PRKAG2: variants seen among roughly 807,000 people sequenced by gnomAD.
PRKAG2 encodes the protein 5'-AMP-activated protein kinase subunit gamma-2.
Under a neutral mutation model 69.6 loss-of-function variants are expected in PRKAG2, and 26 were observed. The observed-to-expected ratio is 0.37, with a 90% CI of 0.27 to 0.52. The LOEUF is 0.52. Among genes scored for constraint, PRKAG2 ranks in the 20% least tolerant of loss-of-function variants. PRKAG2 has a pLI of 0.90. For synonymous variants in PRKAG2, 293 were observed against 285.0 expected (o/e 1.03, Z -0.28); for missense variants, 557 against 740.0 (o/e 0.75, Z 2.87).
At chr7:151,645,008 T>C (rs933675206) in intron 4 of PRKAG2, among the ~76,000 whole-genome samples, 1 of 151,860 alleles carries the variant, frequency 6.6e-6, no homozygotes, top group African/African-American at 2.4e-5. Context: ...TGTCTATTTA[T>C]TTATTAGAGT....
chr7:151,590,650 G>A (rs1812850043), intron 6 of PRKAG2, among the ~76,000 whole-genome samples: 1 of 152,202 alleles, frequency 6.6e-6, no homozygotes, highest in Admixed American at 6.5e-5. Flanking sequence ...TCCCACCCTT[G>A]CCACCCCTTG....
intron 1 of PRKAG2, among the ~76,000 whole-genome samples, chr7:151,864,106 G>A (rs2080002017): frequency 6.6e-6 from 1 of 152,146 alleles, no homozygotes; most frequent in African/African-American, 2.4e-5. Flanking sequence ...CACAGCCCTT[G>A]TCTTGAAATA....
In PRKAG2 at chr7:151,811,379, G is replaced by A. The variant is rs576836297; in HGVS notation, c.115-24838C>T. On this transcript the variant is annotated intron_variant, in intron 1 of 15. Transcript: ENST00000287878. ...AATAATTTGCCCGTGGTAGCCAGGG[G>A]GTGAACAGCAGAATGCTCTGCCAGG... is the stretch of plus-strand genomic sequence containing the variant. Among the ~76,000 whole-genome samples, 6 of 152,332 alleles carry A rather than the reference G, an allele frequency of 3.9e-5. No homozygotes were observed. In the East Asian group the frequency reaches 1.2e-3, roughly 29 times the overall value.
At chr7:151,558,993 G>A (rs1269918177) in intron 15 of PRKAG2, 8 of 985,346 alleles carry the variant, frequency 8.1e-6, no homozygotes, top group Middle Eastern at 1.0e-3. Flanking sequence ...CCGCTGGGCA[G>A]ACTGTGTCCC....
chr7:151,721,681 T>G (rs1797142138), intron 3 of PRKAG2, among the ~76,000 whole-genome samples: 1 of 152,136 alleles, frequency 6.6e-6, no homozygotes, highest in African/African-American at 2.4e-5. Context: ...CTCTAAAATC[T>G]GAGTAGAGAT....
chr7:151,809,505 A>G (rs2078306028), intron 1 of PRKAG2: 1 of 274,572 alleles, frequency 3.6e-6, no homozygotes, highest in Non-Finnish European at 7.3e-6. Flanking sequence ...GCTTAAAAGC[A>G]TATCATTCCT....
chr7:151,631,502 A>G (rs1303198121), intron 5 of PRKAG2: 2 of 268,934 alleles, frequency 7.4e-6, no homozygotes, highest in Non-Finnish European at 7.8e-6. Flanking sequence ...CAGGAGAGGG[A>G]AAAAAAACAA....
At chr7:151,874,792 G>A (rs930923634) in intron 1 of PRKAG2, among the ~76,000 whole-genome samples, 3 of 152,206 alleles carry the variant, frequency 2.0e-5, no homozygotes, top group South Asian at 4.1e-4. Flanking sequence ...GGAGGCTGAG[G>A]TGGGAGGATC....
intron 2 of PRKAG2, among the ~76,000 whole-genome samples, chr7:151,782,254 G>T (rs1232982785): frequency 6.6e-6 from 1 of 151,060 alleles, no homozygotes; most frequent in Non-Finnish European, 1.5e-5. Context: ...TTGCACTCCA[G>T]CCTGGGCAAC....
intron 1 of PRKAG2, 55 bp from the exon 2 acceptor site, chr7:151,786,596 T>C: frequency 7.0e-7 from 1 of 1,433,696 alleles, no homozygotes; most frequent in Non-Finnish European, 9.7e-7. Flanking sequence ...GCCCAGGGGC[T>C]GCATGGAACT....
chr7:151,809,340 C>A, intron 1 of PRKAG2: 1 of 441,380 alleles, frequency 2.3e-6, no homozygotes. Context: ...GAGACTCTCG[C>A]AGTCCACGGC....
chr7:151,807,072 A>T lies in PRKAG2; in HGVS notation c.115-20531T>A. 2 of 427,960 alleles carry T rather than the reference A, an allele frequency of 4.7e-6. No homozygotes were observed. The highest frequency in any genetic ancestry group is 3.4e-5 in the South Asian group (2 of 58,410). 26.5% of individuals were successfully genotyped at this position (427,960 alleles called of 1,614,324 possible). A position where few individuals can be genotyped will look rare whatever the true frequency, so the allele number is the denominator to read the frequency against. On this transcript the variant is annotated intron_variant, in intron 1 of 15. Transcript: ENST00000287878. The surrounding 1 kb of genome is among the most constrained non-coding windows in gnomAD (Gnocchi z 4.4). ...GACCCACCCTCAAGTCTGAAGGTGG[A>T]GGTGGGGAAGGGCAGAGGCTGTAAA...
At chr7:151,813,830 C>T (rs1025428425) in intron 1 of PRKAG2, among the ~76,000 whole-genome samples, 2 of 152,184 alleles carry the variant, frequency 1.3e-5, no homozygotes, top group East Asian at 1.9e-4. Flanking sequence ...CTCCACGCTC[C>T]GCAGGAGGCC....
At position 151,590,374 on chromosome 7, in the gene PRKAG2, T is replaced by C. The variant is rs75140268; in HGVS notation, c.864+4971A>G. On this transcript the variant is annotated intron_variant, in intron 6 of 15. Transcript: ENST00000287878. ...AAACACAAAGCATAACTCTGCGGGGTGTGGATGCACAGGCGGAATTGGTGG... is the reference window on the plus strand; with the variant it reads ...AAACACAAAGCATAACTCTGCGGGGCGTGGATGCACAGGCGGAATTGGTGG... Among the ~76,000 whole-genome samples the C allele has an allele frequency of 6.9e-3, 1,056 of 152,224 alleles. 18 individuals are homozygous for C. The highest frequency in any genetic ancestry group is 0.024 in the African/African-American group (1,001 of 41,516).
chr7:151,819,237 C>T (rs1216458244), intron 1 of PRKAG2, among the ~76,000 whole-genome samples: 2 of 152,248 alleles, frequency 1.3e-5, no homozygotes, highest in Non-Finnish European at 2.9e-5. Flanking sequence ...CCTGCCGGTC[C>T]TAACACCTCT....
intron 3 of PRKAG2, among the ~76,000 whole-genome samples, chr7:151,726,598 A>T (rs1240569120): frequency 6.6e-6 from 1 of 152,146 alleles, no homozygotes; most frequent in Admixed American, 6.5e-5. Flanking sequence ...TTGTCTGGGC[A>T]GACAGCGGAG....
At position 151,559,667 on chromosome 7, in the gene PRKAG2, T is replaced by G. The variant is rs192915145; in HGVS notation, c.1678+857A>C. The G allele has an allele frequency of 1.4e-4, 136 of 985,230 alleles. No individual in the cohort carries two copies. In the African/African-American group the frequency reaches 2.2e-3, roughly 16 times the overall value. The allele number at this position is 985,230 out of a possible 1,614,324, so 61.0% of individuals were successfully genotyped here. A position where few individuals can be genotyped will look rare whatever the true frequency, so the allele number is the denominator to read the frequency against. On this transcript the variant is annotated intron_variant, in intron 15 of 15. Transcript: ENST00000287878. Reference sequence around the variant, plus strand: ...GGGTTACAGACTTAATTGTAAAAACTAGTCTTAACTGAAATTTCTGAACTA... The same window carrying G: ...GGGTTACAGACTTAATTGTAAAAACGAGTCTTAACTGAAATTTCTGAACTA...
At chr7:151,839,128 G>T (rs190682995) in intron 1 of PRKAG2, among the ~76,000 whole-genome samples, 5 of 152,102 alleles carry the variant, frequency 3.3e-5, no homozygotes, top group Non-Finnish European at 7.3e-5. Context: ...GCAGGGGCAC[G>T]TTGGGCTTTA....
Position 151,665,398 on chromosome 7 carries a change from A to C in PRKAG2, c.684+10022T>G, listed in dbSNP as rs147287234. ...AGACCCCGGCCACTGCTCAGAAAAA[A>C]GGGCCACGCTCCCAGTCGTGTGTGT... On this transcript the variant is annotated intron_variant, in intron 4 of 15. Coordinates refer to ENST00000287878, the MANE Select transcript of PRKAG2 (RefSeq NM_016203.4). Among the ~76,000 whole-genome samples the C allele has an allele frequency of 4.3e-4, 66 of 152,346 alleles. 1 individual carries two copies. In the East Asian group the frequency reaches 9.8e-3, roughly 23 times the overall value.
Sources: gnomAD v4.1 joint callset for allele counts (sites outside exome capture counted in the v4.1 genomes callset) on GRCh38, gnomAD v4.1.1 for gene constraint, Gnocchi (gnomAD v3.1) non-coding constraint, MANE v1.5 for transcripts, NCBI Gene and HGNC (gene_info 2026-07-23, HGNC 2026-07-21) for gene names.